The following GAL3ST2 variants were observed in gnomAD, a reference collection of about 807,000 sequenced individuals.
GAL3ST2 encodes galactose-3-O-sulfotransferase 2.
Under a neutral mutation model 12.9 loss-of-function variants are expected in GAL3ST2, and 16 were observed. That is an observed-to-expected ratio of 1.24 (90% confidence interval 0.84 to 1.88). The LOEUF (loss-of-function observed/expected upper bound fraction) is 1.88, where lower values mean the gene tolerates loss of function less well. GAL3ST2 is among the 40% of genes most tolerant of loss of function. GAL3ST2 has a pLI of 0.00. For missense variants in GAL3ST2, 639 were observed against 571.8 expected, an observed-to-expected ratio of 1.12 and a Z score of -1.20; for synonymous variants, 302 against 273.9, an observed-to-expected ratio of 1.10 and a Z score of -1.01.
chr2:241,798,949 G>C, intron 1 of GAL3ST2, 116 bp from the exon 2 acceptor site: 1 of 795,044 alleles, frequency 1.3e-6, no homozygotes, highest in East Asian at 2.5e-5. Context: ...ACGTTACAGA[G>C]GTGAGGGGAG....
At chr2:241,779,933 C>A (rs186347736) in intron 1 of GAL3ST2, among the ~76,000 whole-genome samples, 1 of 151,698 alleles carries the variant, frequency 6.6e-6, no homozygotes, top group African/African-American at 2.4e-5. Context: ...TTGCGGTGAG[C>A]CGAGATCGTG....
intron 2 of GAL3ST2, 72 bp downstream of exon 2, chr2:241,799,226 C>A: frequency 1.5e-6 from 2 of 1,331,156 alleles, no homozygotes; most frequent in Non-Finnish European, 2.2e-6. Context: ...GCCTGGGACC[C>A]CAGCATGATC....
At chr2:241,781,729 G>A (rs1699569860) in intron 1 of GAL3ST2, among the ~76,000 whole-genome samples, 1 of 152,224 alleles carries the variant, frequency 6.6e-6, no homozygotes, top group African/African-American at 2.4e-5. Flanking sequence ...AATGCTTCCT[G>A]TATAACTTTT....
At chr2:241,780,184 G>C (rs1174146298) in intron 1 of GAL3ST2, among the ~76,000 whole-genome samples, 1 of 152,144 alleles carries the variant, frequency 6.6e-6, no homozygotes, top group Non-Finnish European at 1.5e-5. Context: ...AAAAACATTA[G>C]GCAAGACTAG....
chr2:241,787,186 T>C (rs139846801), intron 1 of GAL3ST2, among the ~76,000 whole-genome samples: 237 of 152,356 alleles, frequency 1.6e-3, no homozygotes, highest in African/African-American at 5.5e-3. Flanking sequence ...TGATGTCTCA[T>C]GTCGCCCTAC....
At position 241,802,867 on chromosome 2, in the gene GAL3ST2, G is replaced by A. The variant is rs1228682139; in HGVS notation, c.376-478G>A. Among the ~76,000 whole-genome samples the A allele has an allele frequency of 4.6e-5, 7 of 152,104 alleles. No homozygotes were observed. The highest frequency in any genetic ancestry group is 4.6e-4 in the Admixed American group (7 of 15,278). On this transcript the variant is annotated intron_variant, in intron 3 of 3. Transcript: ENST00000192314. This position sits in a 1 kb window ranked among gnomAD's most constrained non-coding sequence, Gnocchi z 4.8. ...CCACCCTGTGGGGAACCTGGGTCACGGACCTTCTCTGGGCCTCAGTTTCTT... is the reference window on the plus strand; with the variant it reads ...CCACCCTGTGGGGAACCTGGGTCACAGACCTTCTCTGGGCCTCAGTTTCTT...
At chr2:241,781,028 A>G (rs2125188994) in intron 1 of GAL3ST2, among the ~76,000 whole-genome samples, 1 of 152,386 alleles carries the variant, frequency 6.6e-6, no homozygotes, top group South Asian at 2.1e-4. Context: ...TCATGTTACA[A>G]ATGAAAACAG....
chr2:241,800,600 G>A lies in GAL3ST2; in HGVS notation c.120-1181G>A, dbSNP rs920781186. Among the ~76,000 whole-genome samples the A allele has an allele frequency of 1.3e-5, 2 of 152,204 alleles. No individual in the cohort carries two copies. The highest frequency in any genetic ancestry group is 4.8e-5 in the African/African-American group (2 of 41,452). On this transcript the variant is annotated intron_variant, in intron 2 of 3. Coordinates refer to ENST00000192314, the MANE Select transcript of GAL3ST2 (RefSeq NM_022134.3). The surrounding 1 kb of genome is among the most constrained non-coding windows in gnomAD (Gnocchi z 5.2). ...AGCCGGGACGGGAAGCACTCGGTGC[G>A]CAGCCTCTGTAAACCGCCAGAACCA... is the stretch of plus-strand genomic sequence containing the variant.
chr2:241,780,805 T>G (rs1699557037), intron 1 of GAL3ST2, among the ~76,000 whole-genome samples: 1 of 152,208 alleles, frequency 6.6e-6, no homozygotes, highest in East Asian at 1.9e-4. Flanking sequence ...CTCTTGAGGA[T>G]CCAAGATAAA....
rs1430861902 is a variant in GAL3ST2, at chr2:241,804,226, G to C, written c.*60G>C. On this transcript the variant is annotated 3_prime_UTR_variant, in exon 4 of 4. Coordinates refer to ENST00000192314, the MANE Select transcript of GAL3ST2 (RefSeq NM_022134.3). ...ACCAGCTCCTCTCTCCGCCGTCACC[G>C]GGGAGGCCGGGGATCCTTGCAGGGC... 3 of 1,315,086 alleles carry C rather than the reference G, an allele frequency of 2.3e-6. No homozygotes were observed. The highest frequency in any genetic ancestry group is 3.7e-5 in the Admixed American group (1 of 26,678). The allele number at this position is 1,315,086 out of a possible 1,614,324, so 81.5% of individuals were successfully genotyped here.
chr2:241,786,485 A>T (rs1297672504), intron 1 of GAL3ST2, among the ~76,000 whole-genome samples: 2 of 152,144 alleles, frequency 1.3e-5, no homozygotes, highest in African/African-American at 4.8e-5. Context: ...CCATCTTAGA[A>T]GCAGGAAAAA....
In GAL3ST2 at chr2:241,802,131, T is replaced by A; in HGVS notation, c.375+95T>A. On this transcript the variant is annotated intron_variant, in intron 3 of 3. Transcript: ENST00000192314. The surrounding 1 kb of genome is among the most constrained non-coding windows in gnomAD (Gnocchi z 4.8). ...GCCTGGAGGCTGGAGAGAAGGAGTGTAAGGCTTGGGGGCGGGGCGTGCAGA... is the reference window on the plus strand; with the variant it reads ...GCCTGGAGGCTGGAGAGAAGGAGTGAAAGGCTTGGGGGCGGGGCGTGCAGA... 1 of 1,370,826 alleles carries A rather than the reference T, an allele frequency of 7.3e-7. No individual in the cohort carries two copies. Among genetic ancestry groups the A allele is most frequent in the Non-Finnish European group, 9.9e-7 (1 of 1,012,014 alleles). The allele number at this position is 1,370,826 out of a possible 1,614,324, so 84.9% of individuals were successfully genotyped here.
In GAL3ST2 at chr2:241,800,594, C is replaced by T. The variant is rs941144093; in HGVS notation, c.120-1187C>T. Among the ~76,000 whole-genome samples the T allele has an allele frequency of 2.0e-5, 3 of 152,208 alleles. No individual in the cohort carries two copies. Among genetic ancestry groups the T allele is most frequent in the Non-Finnish European group, 2.9e-5 (2 of 68,038 alleles). ...AGGTGGAGCCGGGACGGGAAGCACTCGGTGCGCAGCCTCTGTAAACCGCCA... is the reference window on the plus strand; with the variant it reads ...AGGTGGAGCCGGGACGGGAAGCACTTGGTGCGCAGCCTCTGTAAACCGCCA... On this transcript the variant is annotated intron_variant, in intron 2 of 3. Coordinates refer to ENST00000192314, the MANE Select transcript of GAL3ST2 (RefSeq NM_022134.3). This position sits in a 1 kb window ranked among gnomAD's most constrained non-coding sequence, Gnocchi z 5.2.
chr2:241,782,005 T>C (rs1280646756), intron 1 of GAL3ST2, among the ~76,000 whole-genome samples: 1 of 126,714 alleles, frequency 7.9e-6, no homozygotes, highest in Non-Finnish European at 1.7e-5. Context: ...AAAAACAGCA[T>C]GAAGCCAATT....
At position 241,804,242 on chromosome 2, in the gene GAL3ST2, C is replaced by T. The variant is rs528725211; in HGVS notation, c.*76C>T. The T allele has an allele frequency of 4.6e-5, 58 of 1,248,236 alleles. No individual in the cohort carries two copies. Among genetic ancestry groups the T allele is most frequent in the Admixed American group, 2.0e-4 (5 of 25,584 alleles). The allele number at this position is 1,248,236 out of a possible 1,614,324, so 77.3% of individuals were successfully genotyped here. On this transcript the variant is annotated 3_prime_UTR_variant, in exon 4 of 4. Transcript: ENST00000192314. Reference sequence around the variant, plus strand: ...GCCGTCACCGGGGAGGCCGGGGATCCTTGCAGGGCTTCTGGGGCGTTGGGA... The same window carrying T: ...GCCGTCACCGGGGAGGCCGGGGATCTTTGCAGGGCTTCTGGGGCGTTGGGA...
At chr2:241,784,960 T>A (rs931420793) in intron 1 of GAL3ST2, among the ~76,000 whole-genome samples, 1 of 152,202 alleles carries the variant, frequency 6.6e-6, no homozygotes, top group Admixed American at 6.5e-5. Flanking sequence ...CATAAAATTA[T>A]AAAAATCTAC....
At chr2:241,781,653 C>T (rs1185309844) in intron 1 of GAL3ST2, among the ~76,000 whole-genome samples, 1 of 152,122 alleles carries the variant, frequency 6.6e-6, no homozygotes, top group African/African-American at 2.4e-5. Flanking sequence ...AATTTTGGTA[C>T]ACATACCAAT....
intron 1 of GAL3ST2, among the ~76,000 whole-genome samples, chr2:241,798,776 G>A (rs1351743287): frequency 6.6e-6 from 1 of 152,148 alleles, no homozygotes; most frequent in Non-Finnish European, 1.5e-5. Context: ...CCAGGAGCGC[G>A]GCCCTGTCAG....
chr2:241,778,177 C>T (rs575421210), intron 1 of GAL3ST2, among the ~76,000 whole-genome samples: 9 of 152,342 alleles, frequency 5.9e-5, no homozygotes, highest in South Asian at 4.1e-4. Flanking sequence ...TCCTGAGCCT[C>T]GCATTTATTT....
Sources: allele counts gnomAD v4.1 joint callset (sites outside exome capture counted in the v4.1 genomes callset), GRCh38; gene constraint gnomAD v4.1.1; non-coding constraint Gnocchi (gnomAD v3.1); transcripts MANE v1.5; gene names NCBI Gene and HGNC (gene_info 2026-07-23, HGNC 2026-07-21).